The following ALX1 variants were observed in gnomAD, a reference collection of about 807,000 sequenced individuals.
ALX1 encodes ALX homeobox protein 1.
ALX1 carries 19 observed loss-of-function variants against 31.7 expected under a neutral mutation model. The observed-to-expected ratio is 0.60, with a 90% CI of 0.42 to 0.88. ALX1 has a LOEUF of 0.88. Among genes scored for constraint, ALX1 ranks in the 40% least tolerant of loss-of-function variants. ALX1 has a pLI of 0.00. For synonymous variants in ALX1, 153 were observed against 148.8 expected (o/e 1.03, Z -0.20); for missense variants, 415 against 407.8 (o/e 1.02, Z -0.15).
intron 3 of ALX1, among the ~76,000 whole-genome samples, chr12:85,290,826 C>G (rs1337663063): frequency 6.6e-6 from 1 of 150,980 alleles, no homozygotes; most frequent in Non-Finnish European, 1.5e-5. Flanking sequence ...TCCATGAAGC[C>G]TCTGGGATGT....
intron 3 of ALX1, among the ~76,000 whole-genome samples, chr12:85,291,242 AAT>A (rs1896814519): frequency 6.6e-6 from 1 of 151,178 alleles, no homozygotes; most frequent in African/African-American, 2.4e-5. Context: ...TTTCAAAACA[AAT>A]ATATGCCATG....
intron 2 of ALX1, among the ~76,000 whole-genome samples, chr12:85,284,860 G>T (rs1367888210): frequency 6.6e-6 from 1 of 152,014 alleles, no homozygotes; most frequent in Non-Finnish European, 1.5e-5. Context: ...ATGGGGGAAT[G>T]AATAAAATAG....
intron 3 of ALX1, among the ~76,000 whole-genome samples, chr12:85,289,978 A>T (rs1896797673): frequency 6.6e-6 from 1 of 151,028 alleles, no homozygotes; most frequent in South Asian, 2.1e-4. Flanking sequence ...ATTACAGAAA[A>T]AATTATTAAT....
chr12:85,293,182 T>C (rs527407821), intron 3 of ALX1, among the ~76,000 whole-genome samples: 1 of 150,116 alleles, frequency 6.7e-6, no homozygotes, highest in East Asian at 1.9e-4. Context: ...AAAATATAGT[T>C]TTTGCAGCGA....
Position 85,280,420 on chromosome 12 carries a change from C to T in ALX1, c.159C>T (p.Phe53=). 6.2e-7 allele frequency: 1 copy of T among 1,612,878 alleles called. No homozygotes were observed. ...CTGCAGGCAAATGCGTGCAGGCCTT[C>T]GGACCCCTGCCCCGCGCCGAGCATC... ...KASAGKCVQA[F]GPLPRAEHHV... is the part of the protein sequence containing the mutation. Residue 53 remains phenylalanine, a synonymous_variant, in exon 1 of 4, where the codon TTC becomes TTT. Transcript: ENST00000316824.
chr12:85,292,486 C>T (rs546804633), intron 3 of ALX1, among the ~76,000 whole-genome samples: 26 of 150,990 alleles, frequency 1.7e-4, no homozygotes, highest in African/African-American at 4.3e-4. Context: ...TCTTGTCTTC[C>T]GTTGTATTAT....
In ALX1 at chr12:85,282,527, TA is replaced by T. The variant is rs1449923079; in HGVS notation, c.227-1038del. Among the ~76,000 whole-genome samples, 4 of 152,136 alleles carry T rather than the reference TA, an allele frequency of 2.6e-5. No individual in the cohort carries two copies. In the South Asian group the frequency reaches 6.2e-4, roughly 24 times the overall value. ...TAAAAATACATTATGGGGGTAATTTTAAAAAAAGAAACAAATGAAAAAAGTA... is the reference window on the plus strand; with the variant it reads ...TAAAAATACATTATGGGGGTAATTTTAAAAAAGAAACAAATGAAAAAAGTA... On this transcript the variant is annotated intron_variant, in intron 1 of 3. Transcript: ENST00000316824.
At chr12:85,298,660 T>A (rs1896920981) in intron 3 of ALX1, among the ~76,000 whole-genome samples, 1 of 151,722 alleles carries the variant, frequency 6.6e-6, no homozygotes. Flanking sequence ...TATCTCTACC[T>A]ATGGGAATAA....
At chr12:85,299,133 CTTT>C (rs879936173) in intron 3 of ALX1, among the ~76,000 whole-genome samples, 1 of 139,120 alleles carries the variant, frequency 7.2e-6, no homozygotes, top group Admixed American at 7.3e-5. Flanking sequence ...TGTTGTCTTC[CTTT>C]TTTTTTTTTT....
intron 1 of ALX1, among the ~76,000 whole-genome samples, chr12:85,283,075 T>C (rs1209390235): frequency 6.6e-6 from 1 of 152,182 alleles, no homozygotes; most frequent in Non-Finnish European, 1.5e-5. Context: ...CTGAAATCTA[T>C]CATCAGTACG....
Position 85,283,854 on chromosome 12 carries a change from A to G in ALX1, c.509A>G (p.Glu170Gly). The G allele has an allele frequency of 6.2e-7, 1 of 1,614,048 alleles. No homozygotes were observed. The highest frequency in any genetic ancestry group is 8.5e-7 in the Non-Finnish European group (1 of 1,179,990). ...AGAGAACAGCTTGCTCTGAGGACAG[A>G]GCTCACTGAGGCCAGGGTCCAGGTA... is the stretch of plus-strand genomic sequence containing the variant. Reference protein sequence around the residue: ...YVREQLALRTELTEARVQVWF... With the variant: ...YVREQLALRTGLTEARVQVWF... Residue 170 changes from glutamate to glycine, a missense_variant, in exon 2 of 4, where the codon GAG becomes GGG. Physicochemically the swap from Glu to Gly is moderately conservative, Grantham distance 98. Transcript: ENST00000316824.
At chr12:85,283,109 C>T (rs1335901701) in intron 1 of ALX1, among the ~76,000 whole-genome samples, 2 of 152,092 alleles carry the variant, frequency 1.3e-5, no homozygotes, top group African/African-American at 2.4e-5. Flanking sequence ...AGGATAATAA[C>T]TTTCAGATAT....
At chr12:85,288,361 A>G (rs1004660088) in intron 3 of ALX1, among the ~76,000 whole-genome samples, 10 of 151,568 alleles carry the variant, frequency 6.6e-5, no homozygotes, top group Non-Finnish European at 1.0e-4. Context: ...TTTATCTTAA[A>G]GAGGTTACCT....
chr12:85,286,399 TA>T (rs1896747785), intron 2 of ALX1, among the ~76,000 whole-genome samples: 1 of 151,980 alleles, frequency 6.6e-6, no homozygotes, highest in African/African-American at 2.4e-5. Flanking sequence ...TTTTGTGATA[TA>T]TTTTAAAGAT....
At chr12:85,297,556 G>T (rs2137392791) in intron 3 of ALX1, among the ~76,000 whole-genome samples, 1 of 151,748 alleles carries the variant, frequency 6.6e-6, no homozygotes, top group South Asian at 2.1e-4. Flanking sequence ...TTATAGAAAA[G>T]AAATGGAATT....
chr12:85,290,734 G>A (rs372187802), intron 3 of ALX1, among the ~76,000 whole-genome samples: 50 of 150,906 alleles, frequency 3.3e-4, no homozygotes, highest in African/African-American at 1.1e-3. Context: ...AAGAGTTAAC[G>A]TTTTTGAAAG....
At chr12:85,297,307 T>G (rs906817600) in intron 3 of ALX1, among the ~76,000 whole-genome samples, 7 of 151,644 alleles carry the variant, frequency 4.6e-5, no homozygotes, top group African/African-American at 1.7e-4. Flanking sequence ...ATTGATAAGC[T>G]CAGACATATC....
intron 3 of ALX1, 38 bp downstream of exon 3, chr12:85,287,019 A>AT (rs2137380489): frequency 6.2e-7 from 1 of 1,608,428 alleles, no homozygotes; most frequent in Non-Finnish European, 8.5e-7. Context: ...CAAGAAAAGG[A>AT]TATTTGGTTT....
intron 3 of ALX1, among the ~76,000 whole-genome samples, chr12:85,291,319 T>C (rs1198720503): frequency 6.0e-5 from 9 of 151,164 alleles, no homozygotes; most frequent in Admixed American, 2.0e-4. Flanking sequence ...GTAGAAAGAC[T>C]AAAAACTGGG....
Sources: gnomAD v4.1 joint callset for allele counts (sites outside exome capture counted in the v4.1 genomes callset) on GRCh38, gnomAD v4.1.1 for gene constraint, MANE v1.5 for transcripts, NCBI Gene and HGNC (gene_info 2026-07-23, HGNC 2026-07-21) for gene names.